The following SCN9A variants were observed in gnomAD, a reference collection of about 807,000 sequenced individuals.
The protein encoded by SCN9A is sodium channel protein type 9 subunit alpha.
Under a neutral mutation model 187.0 loss-of-function variants are expected in SCN9A, and 131 were observed. The observed-to-expected ratio is 0.70, with a 90% CI of 0.61 to 0.81. The LOEUF is 0.81. Among genes scored for constraint, SCN9A ranks in the 30% least tolerant of loss-of-function variants. SCN9A has a pLI of 0.00. For missense variants in SCN9A, 2,252 were observed against 2,396.6 expected, an observed-to-expected ratio of 0.94 and a Z score of 1.26; for synonymous variants, 809 against 808.6, an observed-to-expected ratio of 1.00 and a Z score of -0.01.
chr2:166,238,833 A>G (rs1321359146), intron 19 of SCN9A, among the ~76,000 whole-genome samples: 1 of 152,096 alleles, frequency 6.6e-6, no homozygotes, highest in Admixed American at 6.6e-5. Flanking sequence ...TCCTTTGACT[A>G]TTCATCCATA....
chr2:166,226,527 C>A (rs202156647), intron 24 of SCN9A, 40 bp downstream of exon 24: 52 of 1,337,614 alleles, frequency 3.9e-5, no homozygotes, highest in Admixed American at 4.5e-5. Flanking sequence ...AATAATTGTT[C>A]ATCCCTTTCA....
At chr2:166,281,578 T>A in intron 13 of SCN9A, 101 bp downstream of exon 13, 1 of 1,085,528 alleles carries the variant, frequency 9.2e-7, no homozygotes, top group Non-Finnish European at 1.3e-6. Flanking sequence ...TTTTATGGTC[T>A]CTGAATTCTT....
chr2:166,282,202 C>A (rs189066929), intron 12 of SCN9A, among the ~76,000 whole-genome samples: 48 of 152,242 alleles, frequency 3.2e-4, no homozygotes, highest in African/African-American at 1.2e-3. Context: ...TGCTGTAGTG[C>A]TGTGTATCTA....
rs1693261325 is a variant in SCN9A at position 166,196,873 on chromosome 2, T to C, written c.*1799A>G. On this transcript the variant is annotated 3_prime_UTR_variant, in exon 27 of 27. Transcript: ENST00000642356. ...CCTAGATTGAGTTTTATACGTAGAT[T>C]AGGACAAATGTCTCAAAGTAATAAC... 6.6e-6 allele frequency: 1 copy of C among 152,088 alleles called. No individual in the cohort carries two copies. Among genetic ancestry groups the C allele is most frequent in the African/African-American group, 2.4e-5 (1 of 41,462 alleles). 9.4% of individuals were successfully genotyped at this position (152,088 alleles called of 1,614,324 possible).
chr2:166,363,738 G>C (rs1014661958), intron 1 of SCN9A, among the ~76,000 whole-genome samples: 4 of 151,880 alleles, frequency 2.6e-5, no homozygotes, highest in African/African-American at 9.7e-5. Context: ...AGTTAGAACT[G>C]TAAATTTCTA....
chr2:166,234,650 T>C (rs1695234069), intron 20 of SCN9A, among the ~76,000 whole-genome samples: 3 of 152,122 alleles, frequency 2.0e-5, no homozygotes, highest in Admixed American at 2.0e-4. Flanking sequence ...GCAGAATAAA[T>C]TACTCCTCAT....
intron 11 of SCN9A, among the ~76,000 whole-genome samples, chr2:166,286,030 T>A (rs1415795633): frequency 1.3e-5 from 2 of 152,122 alleles, no homozygotes; most frequent in African/African-American, 4.8e-5. Context: ...AATATAAAAG[T>A]TATTCTATAG....
At chr2:166,298,193 G>A (rs1281947740) in intron 7 of SCN9A, among the ~76,000 whole-genome samples, 2 of 152,144 alleles carry the variant, frequency 1.3e-5, no homozygotes, top group Non-Finnish European at 2.9e-5. Context: ...GTAGATGAAG[G>A]AGATAGGAAA....
At position 166,305,902 on chromosome 2, in the gene SCN9A, T is replaced by A. The variant is rs1559030018; in HGVS notation, c.486A>T (p.Ile162=). 6.2e-7 allele frequency: 1 copy of A among 1,613,074 alleles called. No individual in the cohort carries two copies. The highest frequency in any genetic ancestry group is 2.2e-5 in the East Asian group (1 of 44,846). The part of the protein sequence containing the change: ...TKNVEYTFTG[I]YTFESLVKIL... The stretch of plus-strand genomic sequence containing the variant: ...TTTTTACAAGTGATTCAAAAGTATA[T>A]ATTCCAGTAAAAGTGTACCTAAACA... Residue 162 remains isoleucine, a synonymous_variant, in exon 5 of 27, where the codon ATA becomes ATT. Transcript: ENST00000642356.
At chr2:166,305,069 T>G (rs1037093420) in intron 5 of SCN9A, among the ~76,000 whole-genome samples, 11 of 152,054 alleles carry the variant, frequency 7.2e-5, no homozygotes, top group African/African-American at 2.7e-4. Flanking sequence ...TAGGCAGGGA[T>G]GAAGGAATCG....
rs111705421 is a variant in SCN9A at position 166,314,560 on chromosome 2, T to A, written c.-50-2754A>T. On this transcript the variant is annotated intron_variant, in intron 1 of 26. Coordinates refer to ENST00000642356, the MANE Select transcript of SCN9A (RefSeq NM_001365536.1). ...TAGCCAAAAAGTAAACACAACCTCA[T>A]TACTCACCAATGAATAAATGGATAA... Among the ~76,000 whole-genome samples, 1,159 of 152,262 alleles carry A rather than the reference T, an allele frequency of 7.6e-3. 17 individuals carry two copies. Among genetic ancestry groups the A allele is most frequent in the African/African-American group, 0.025 (1,058 of 41,554 alleles).
At chr2:166,360,960 A>C (rs943598764) in intron 1 of SCN9A, among the ~76,000 whole-genome samples, 2 of 152,172 alleles carry the variant, frequency 1.3e-5, no homozygotes, top group African/African-American at 4.8e-5. Flanking sequence ...TAAAATAGTA[A>C]GACAGCATAA....
chr2:166,201,033 A>G (rs1230621074), intron 26 of SCN9A, among the ~76,000 whole-genome samples: 1 of 152,120 alleles, frequency 6.6e-6, no homozygotes, highest in Non-Finnish European at 1.5e-5. Flanking sequence ...TCTCAAAATA[A>G]CCACAAATTG....
intron 1 of SCN9A, among the ~76,000 whole-genome samples, chr2:166,354,338 G>A (rs1046496815): frequency 6.9e-6 from 1 of 145,962 alleles, no homozygotes; most frequent in African/African-American, 2.7e-5. Context: ...ATCTGCTTAG[G>A]TTTAATTAAA....
chr2:166,303,995 A>G (rs1698667842), intron 6 of SCN9A: 4 of 1,586,888 alleles, frequency 2.5e-6, no homozygotes, highest in African/African-American at 2.7e-5. Context: ...CTTTCAAAAG[A>G]TCAAAGTCAG....
chr2:166,289,020 C>T (rs181424516), intron 9 of SCN9A, among the ~76,000 whole-genome samples: 78 of 152,044 alleles, frequency 5.1e-4, no homozygotes, highest in African/African-American at 1.6e-3. Context: ...CTTTCTTTAT[C>T]ATCAAATATT....
chr2:166,242,719 T>A, intron 18 of SCN9A, 63 bp from the exon 19 acceptor site: 1 of 1,279,636 alleles, frequency 7.8e-7, no homozygotes, highest in Non-Finnish European at 1.1e-6. Flanking sequence ...TTTAATACAT[T>A]ATTTAATGCA....
chr2:166,301,726 C>T (rs1006297380), intron 7 of SCN9A: 1 of 150,576 alleles, frequency 6.6e-6, no homozygotes, highest in Admixed American at 6.6e-5. Context: ...AGTTACTCAT[C>T]AGATATATTA....
chr2:166,229,045 A>G (rs1377979460), intron 21 of SCN9A, 73 bp from the exon 22 acceptor site: 1 of 1,204,016 alleles, frequency 8.3e-7, no homozygotes, highest in Non-Finnish European at 1.2e-6. Context: ...AAGAAATGCC[A>G]TGCAGACATA....
Sources: gnomAD v4.1 joint callset for allele counts (sites outside exome capture counted in the v4.1 genomes callset) on GRCh38, gnomAD v4.1.1 for gene constraint, MANE v1.5 for transcripts, NCBI Gene and HGNC (gene_info 2026-07-23, HGNC 2026-07-21) for gene names.